SLC24A2: variants seen among roughly 807,000 people sequenced by gnomAD.
SLC24A2 encodes sodium/potassium/calcium exchanger 2.
A neutral mutation model predicts 62.0 loss-of-function variants in SLC24A2; 36 were observed. That is an observed-to-expected ratio of 0.58 (90% CI 0.44 to 0.77). SLC24A2 has a LOEUF of 0.77. Ranked by LOEUF, SLC24A2 falls within the 30% of genes least tolerant of loss-of-function variation. The probability of loss-of-function intolerance (pLI) is 0.00; values close to 1 mark genes in which losing one functional copy is unlikely to be tolerated. For synonymous variants in SLC24A2, 358 were observed against 294.0 expected, an observed-to-expected ratio of 1.22 and a Z score of -2.23; for missense variants, 846 against 817.9, an observed-to-expected ratio of 1.03 and a Z score of -0.42.
chr9:19,708,795 T>C (rs1415925388), intron 2 of SLC24A2, among the ~76,000 whole-genome samples: 6 of 152,074 alleles, frequency 3.9e-5, no homozygotes, highest in African/African-American at 1.5e-4. Flanking sequence ...CCTAAAACCA[T>C]AAAAACCCTA....
At chr9:19,706,860 G>C (rs900492595) in intron 2 of SLC24A2, among the ~76,000 whole-genome samples, 2 of 151,846 alleles carry the variant, frequency 1.3e-5, no homozygotes, top group Non-Finnish European at 2.9e-5. Context: ...AAAAGCAAGA[G>C]CAAACACATT....
chr9:19,526,599 T>A (rs147162910), intron 9 of SLC24A2, among the ~76,000 whole-genome samples: 1 of 152,242 alleles, frequency 6.6e-6, no homozygotes, highest in Non-Finnish European at 1.5e-5. Context: ...CTTTAATTAA[T>A]AATGATGTTG....
chr9:19,910,753 T>C, the SLC24A2 span, among the ~76,000 whole-genome samples: 1 of 152,096 alleles, frequency 6.6e-6, no homozygotes, highest in African/African-American at 2.4e-5. Context: ...TAGTTACATA[T>C]AGTACTCTGA....
At chr9:19,835,646 T>A in the SLC24A2 span, among the ~76,000 whole-genome samples, 1 of 152,196 alleles carries the variant, frequency 6.6e-6, no homozygotes, top group South Asian at 2.1e-4. Flanking sequence ...AATACCCCAC[T>A]GTCAACATTA....
the SLC24A2 span, among the ~76,000 whole-genome samples, chr9:20,120,191 A>T: frequency 6.6e-6 from 1 of 152,142 alleles, no homozygotes; most frequent in Non-Finnish European, 1.5e-5. Context: ...TGAAAAATAG[A>T]TCTAAACTTT....
At chr9:19,844,274 G>A in the SLC24A2 span, among the ~76,000 whole-genome samples, 8 of 152,020 alleles carry the variant, frequency 5.3e-5, no homozygotes, top group Non-Finnish European at 8.8e-5. Context: ...GATCAATGAC[G>A]TTGAACATTT....
At chr9:19,830,358 AT>A in the SLC24A2 span, among the ~76,000 whole-genome samples, 8 of 152,210 alleles carry the variant, frequency 5.3e-5, no homozygotes, top group African/African-American at 1.9e-4. Context: ...CATTTGATAT[AT>A]TTATTTGCCA....
At chr9:19,971,631 T>C in the SLC24A2 span, among the ~76,000 whole-genome samples, 1 of 152,164 alleles carries the variant, frequency 6.6e-6, no homozygotes, top group Non-Finnish European at 1.5e-5. Flanking sequence ...GCAGGGTCTC[T>C]CCTGGGCAGG....
At chr9:20,031,864 G>A in the SLC24A2 span, among the ~76,000 whole-genome samples, 265 of 152,258 alleles carry the variant, frequency 1.7e-3, 7 homozygotes, top group Admixed American at 0.017. Flanking sequence ...ACAACAGCAC[G>A]AGAGAAAGAA....
At chr9:19,975,493 C>G in the SLC24A2 span, among the ~76,000 whole-genome samples, 1 of 152,134 alleles carries the variant, frequency 6.6e-6, no homozygotes, top group Non-Finnish European at 1.5e-5. Context: ...TACATTGCCT[C>G]TTAGTTTGGT....
chr9:20,299,484 C>T, the SLC24A2 span, among the ~76,000 whole-genome samples: 2 of 152,184 alleles, frequency 1.3e-5, no homozygotes, highest in African/African-American at 2.4e-5. Flanking sequence ...TGATGCCCAT[C>T]GAACATGATC....
chr9:20,123,981 C>T, the SLC24A2 span, among the ~76,000 whole-genome samples: 1 of 152,092 alleles, frequency 6.6e-6, no homozygotes, highest in African/African-American at 2.4e-5. Context: ...TTCCCTATTC[C>T]TGATTATTAG....
At chr9:20,028,574 G>A in the SLC24A2 span, among the ~76,000 whole-genome samples, 1 of 152,098 alleles carries the variant, frequency 6.6e-6, no homozygotes, top group Non-Finnish European at 1.5e-5. Flanking sequence ...GGACCCAAAT[G>A]GCTCCCCACC....
intron 8 of SLC24A2, among the ~76,000 whole-genome samples, chr9:19,545,326 C>T (rs372405700): frequency 1.6e-4 from 24 of 152,056 alleles, no homozygotes; most frequent in African/African-American, 5.5e-4. Context: ...TAGCAATTCG[C>T]GTAACCTTTT....
chr9:19,902,251 C>G, the SLC24A2 span, among the ~76,000 whole-genome samples: 1 of 152,240 alleles, frequency 6.6e-6, no homozygotes, highest in East Asian at 1.9e-4. Flanking sequence ...TCTGGGTTCC[C>G]TCTGGCCAAG....
At chr9:20,139,931 C>G in the SLC24A2 span, among the ~76,000 whole-genome samples, 1 of 152,332 alleles carries the variant, frequency 6.6e-6, no homozygotes, top group Admixed American at 6.5e-5. Context: ...TAAGGAGCCC[C>G]TTTTGCATGG....
rs1316279375 is a variant in SLC24A2, at chr9:19,535,068, G to C, written c.1480-6930C>G. Among the ~76,000 whole-genome samples, 5 of 152,244 alleles carry C rather than the reference G, an allele frequency of 3.3e-5. No homozygotes were observed. The South Asian group carries it at 1.0e-3, about 32-fold the overall frequency. On this transcript the variant is annotated intron_variant, in intron 8 of 10. Coordinates refer to ENST00000341998, the MANE Select transcript of SLC24A2 (RefSeq NM_020344.4). ...TCACCATTCTAACTGGTATGAGATA[G>C]TATCTCATTGTGGTTTTGATTTGCA...
the SLC24A2 span, among the ~76,000 whole-genome samples, chr9:20,085,426 G>A: frequency 1.3e-3 from 195 of 152,320 alleles, no homozygotes; most frequent in African/African-American, 4.5e-3. Context: ...GGGGATGTAA[G>A]ATCTAGAGGA....
At chr9:20,196,735 A>G in the SLC24A2 span, among the ~76,000 whole-genome samples, 1 of 152,218 alleles carries the variant, frequency 6.6e-6, no homozygotes, top group African/African-American at 2.4e-5. Flanking sequence ...CTTTTAAAAT[A>G]ACTTTATTTT....
Sources: gnomAD v4.1 joint callset for allele counts (sites outside exome capture counted in the v4.1 genomes callset) on GRCh38, gnomAD v4.1.1 for gene constraint, MANE v1.5 for transcripts, NCBI Gene and HGNC (gene_info 2026-07-23, HGNC 2026-07-21) for gene names.